Variants in ZNF723 observed in about 807,000 individuals in gnomAD.
ZNF723 encodes zinc finger protein 723.
In ZNF723, 5 loss-of-function variants were observed where a neutral mutation model predicts 9.4. The ratio of observed to expected loss-of-function variants is 0.53; its 90% CI spans 0.28 to 1.12. The LOEUF is 1.12. Among genes scored for constraint, ZNF723 ranks in the 50% most tolerant of loss-of-function variants. The pLI, the probability that ZNF723 is intolerant of heterozygous loss-of-function variation, is 0.10. For missense variants in ZNF723, 450 were observed against 501.5 expected (o/e 0.90, Z 0.98); for synonymous variants, 158 against 168.8 (o/e 0.94, Z 0.49).
the ZNF723 span, among the ~76,000 whole-genome samples, chr19:22,818,588 A>T: frequency 6.6e-6 from 1 of 152,226 alleles, no homozygotes; most frequent in Non-Finnish European, 1.5e-5. Context: ...TGATTCTCAT[A>T]TCTAAATCCA....
chr19:22,829,129 C>T (rs1374116880), upstream of ZNF723, among the ~76,000 whole-genome samples: 8 of 151,504 alleles, frequency 5.3e-5, no homozygotes, highest in East Asian at 1.9e-4. Context: ...GCTGAGATTG[C>T]GCCCTTGCAC....
At chr19:22,827,931 T>G (rs1362658428), upstream of ZNF723, among the ~76,000 whole-genome samples, 1 of 151,974 alleles carries the variant, frequency 6.6e-6, no homozygotes, top group African/African-American at 2.4e-5. Context: ...AAAAATAAAA[T>G]TAGCTGGGTG....
At chr19:22,823,531 T>G in the ZNF723 span, among the ~76,000 whole-genome samples, 1 of 152,216 alleles carries the variant, frequency 6.6e-6, no homozygotes, top group Non-Finnish European at 1.5e-5. Flanking sequence ...ACTCGCATAC[T>G]TAGACCAAAC....
upstream of ZNF723, among the ~76,000 whole-genome samples, chr19:22,828,010 G>A (rs1240166104): frequency 3.3e-5 from 5 of 152,044 alleles, no homozygotes; most frequent in African/African-American, 4.8e-5. Context: ...AACCCGGGAG[G>A]CGGATGTTGC....
chr19:22,847,978 T>C (rs1287276807), intron 1 of ZNF723, among the ~76,000 whole-genome samples: 5 of 151,872 alleles, frequency 3.3e-5, no homozygotes, highest in African/African-American at 1.2e-4. Context: ...GTGGGTGTCT[T>C]GTAATCCCAG....
chr19:22,851,769 T>C (rs1967399104), intron 3 of ZNF723, among the ~76,000 whole-genome samples: 1 of 152,192 alleles, frequency 6.6e-6, no homozygotes, highest in Non-Finnish European at 1.5e-5. Flanking sequence ...TAAAATAATT[T>C]TGAATAAAGT....
chr19:22,849,264 A>G lies in ZNF723; in HGVS notation c.197A>G (p.Lys66Arg), dbSNP rs749559349. The G allele has an allele frequency of 2.0e-5, 13 of 642,254 alleles. No individual in the cohort carries two copies. The highest frequency in any genetic ancestry group is 3.4e-5 in the Non-Finnish European group (12 of 351,026). 39.8% of individuals were successfully genotyped at this position (642,254 alleles called of 1,614,324 possible). A position where few individuals can be genotyped will look rare whatever the true frequency, so the allele number is the denominator to read the frequency against. ...CAAGGAAAAGAGCCCTGGAATATGA[A>G]GAGACACAAGATGGTAGCCAAGCCC... ...LEQGKEPWNM[K>R]RHKMVAKPPV... is the part of the protein sequence containing the mutation. Residue 66 changes from lysine (K) to arginine (R), a missense_variant, in exon 3 of 4, where the codon AAG becomes AGG. This residue lies in a region of ZNF723 where 143 missense variants were observed against 101.3 expected (regional missense o/e 1.41). Transcript: ENST00000600766.
the ZNF723 span, among the ~76,000 whole-genome samples, chr19:22,824,555 C>T: frequency 6.6e-6 from 1 of 152,122 alleles, no homozygotes; most frequent in Non-Finnish European, 1.5e-5. Context: ...AAGTCTTCGT[C>T]TGTTACTTGC....
intron 1 of ZNF723, among the ~76,000 whole-genome samples, chr19:22,832,961 G>A (rs1319703895): frequency 6.6e-6 from 1 of 152,096 alleles, no homozygotes; most frequent in Non-Finnish European, 1.5e-5. Flanking sequence ...TCCACCTTGA[G>A]CCTACAAATT....
chr19:22,854,617 GTATTAA>G (rs1176852927), intron 3 of ZNF723, among the ~76,000 whole-genome samples: 2 of 150,988 alleles, frequency 1.3e-5, no homozygotes, highest in Non-Finnish European at 3.0e-5. Flanking sequence ...TTTCACTTTT[GTATTAA>G]TATGCTTTTA....
chr19:22,819,440 T>A, the ZNF723 span, among the ~76,000 whole-genome samples: 1 of 152,094 alleles, frequency 6.6e-6, no homozygotes, highest in Non-Finnish European at 1.5e-5. Context: ...GCTCACAGGG[T>A]TTATTATGAC....
rs527634462 is a variant in ZNF723, at chr19:22,851,267, G to A, written c.226+1974G>A. On this transcript the variant is annotated intron_variant, in intron 3 of 3. Transcript: ENST00000600766. ...GCTCACTGCAACCACTGCCTCATGGGTTCAAGCAATTCTCCTGCCTCAGCC... is the reference window on the plus strand; with the variant it reads ...GCTCACTGCAACCACTGCCTCATGGATTCAAGCAATTCTCCTGCCTCAGCC... Among the ~76,000 whole-genome samples the A allele has an allele frequency of 2.6e-5, 4 of 152,052 alleles. No individual in the cohort carries two copies. In the East Asian group the frequency reaches 7.8e-4, roughly 30 times the overall value.
intron 1 of ZNF723, among the ~76,000 whole-genome samples, chr19:22,833,187 C>T (rs999125628): frequency 3.3e-5 from 5 of 152,030 alleles, no homozygotes; most frequent in Admixed American, 6.6e-5. Flanking sequence ...GAATTTCACT[C>T]TTTCGCCTAG....
intron 1 of ZNF723, among the ~76,000 whole-genome samples, chr19:22,839,444 C>G (rs1424398270): frequency 6.6e-6 from 1 of 150,400 alleles, no homozygotes; most frequent in African/African-American, 2.5e-5. Flanking sequence ...TCTCCACAAC[C>G]TTGCCAGCAT....
chr19:22,848,353 G>A lies in ZNF723; in HGVS notation c.96G>A (p.Val32=), dbSNP rs1441244437. Residue 32 remains valine, a synonymous_variant, in exon 2 of 4, where the codon GTG becomes GTA. Coordinates refer to ENST00000600766, the MANE Select transcript of ZNF723 (RefSeq NM_001349726.2). The stretch of plus-strand genomic sequence containing the variant: ...CACAGCAGAATTTATATAGGGATGT[G>A]ATGTTAGAGAACTACAGAAACCTGG... The part of the protein sequence containing the change: ...DTAQQNLYRD[V]MLENYRNLVF... 3 of 1,472,340 alleles carry A rather than the reference G, an allele frequency of 2.0e-6. No individual in the cohort carries two copies. The highest frequency in any genetic ancestry group is 2.8e-6 in the Non-Finnish European group (3 of 1,056,348). 91.2% of individuals were successfully genotyped at this position (1,472,340 alleles called of 1,614,324 possible).
chr19:22,824,350 T>C, the ZNF723 span, among the ~76,000 whole-genome samples: 1 of 152,058 alleles, frequency 6.6e-6, no homozygotes, highest in African/African-American at 2.4e-5. Flanking sequence ...TTCTTGATCC[T>C]GCTCATAGTG....
chr19:22,837,424 C>T (rs536976148), intron 1 of ZNF723, among the ~76,000 whole-genome samples: 15 of 152,070 alleles, frequency 9.9e-5, no homozygotes, highest in Non-Finnish European at 1.9e-4. Context: ...TGTGCTGACT[C>T]TGGGTGGTTT....
intron 3 of ZNF723, among the ~76,000 whole-genome samples, chr19:22,851,908 T>G (rs1967401937): frequency 1.3e-5 from 2 of 152,104 alleles, no homozygotes; most frequent in Admixed American, 1.3e-4. Context: ...TGCCTCAGCC[T>G]CCGGAATAGC....
chr19:22,851,029 T>G (rs1037486904), intron 3 of ZNF723, among the ~76,000 whole-genome samples: 4 of 152,066 alleles, frequency 2.6e-5, no homozygotes, highest in Admixed American at 2.6e-4. Flanking sequence ...CTTGTGTATC[T>G]ATTAATAAAT....
Sources: gnomAD v4.1 joint callset for allele counts (sites outside exome capture counted in the v4.1 genomes callset) on GRCh38, gnomAD v4.1.1 for gene constraint, gnomAD v4.1.1 regional missense constraint, MANE v1.5 for transcripts, NCBI Gene and HGNC (gene_info 2026-07-23, HGNC 2026-07-21) for gene names.